The following RCBTB2 variants were observed in gnomAD, a reference collection of about 807,000 sequenced individuals.
The protein encoded by RCBTB2 is RCC1 and BTB domain containing protein 2, also known as RCC1 and BTB domain-containing protein 2.
A neutral mutation model predicts 65.4 loss-of-function variants in RCBTB2; 55 were observed. That is an observed-to-expected ratio of 0.84 (90% confidence interval 0.68 to 1.05). RCBTB2 has a LOEUF of 1.05. RCBTB2 is among the 50% of genes least tolerant of loss of function. RCBTB2 has a pLI of 0.00. For synonymous variants in RCBTB2, 220 were observed against 255.2 expected (o/e 0.86, Z 1.31); for missense variants, 599 against 680.1 (o/e 0.88, Z 1.33).
At position 48,510,784 on chromosome 13, in the gene RCBTB2, A is replaced by T. The variant is rs1566293774; in HGVS notation, c.784-13T>A. 8 of 1,610,408 alleles carry T rather than the reference A, an allele frequency of 5.0e-6. No homozygotes were observed. The highest frequency in any genetic ancestry group is 6.8e-6 in the Non-Finnish European group (8 of 1,176,794). Reference sequence around the variant, plus strand: ...AGCCACAGGCGACCTGGAAGGAAAAAAATCCACTCAGGACTGCAAATATAA... The same window carrying T: ...AGCCACAGGCGACCTGGAAGGAAAATAATCCACTCAGGACTGCAAATATAA... On this transcript the variant is annotated splice_polypyrimidine_tract_variant and intron_variant, in intron 9 of 14. Transcript: ENST00000344532.
At chr13:48,525,729 C>T (rs995012059) in intron 1 of RCBTB2, among the ~76,000 whole-genome samples, 2 of 151,886 alleles carry the variant, frequency 1.3e-5, no homozygotes, top group Non-Finnish European at 2.9e-5. Flanking sequence ...TAAACTGTGG[C>T]ATATGCATAC....
In RCBTB2 at chr13:48,515,243, C is replaced by T. The variant is rs1395806728; in HGVS notation, c.311G>A (p.Ser104Asn). 1.2e-6 allele frequency: 2 copies of T among 1,614,028 alleles called. No homozygotes were observed. Among genetic ancestry groups the T allele is most frequent in the Admixed American group, 1.7e-5 (1 of 59,994 alleles). Reference protein sequence around the residue: ...SLNGKKIACLSYGSGPHIVLA... With the variant: ...SLNGKKIACLNYGSGPHIVLA... ...GACAATATGTGGACCACTCCCATAGCTGAGGCAGGCTATTTTTTTGCCATT... is the reference window on the plus strand; with the variant it reads ...GACAATATGTGGACCACTCCCATAGTTGAGGCAGGCTATTTTTTTGCCATT... The change falls in exon 6 of 15, where the codon AGC (serine) becomes AAC (asparagine). Residue 104 changes from serine to asparagine, a missense_variant. Ser to Asn is a conservative substitution (Grantham distance 46). Coordinates refer to ENST00000344532, the MANE Select transcript of RCBTB2 (RefSeq NM_001268.4).
intron 14 of RCBTB2, among the ~76,000 whole-genome samples, chr13:48,493,692 G>A (rs1949848771): frequency 6.6e-6 from 1 of 151,908 alleles, no homozygotes. Context: ...CTGATGTCTT[G>A]CCTCCCTGAC....
At chr13:48,491,818 T>G (rs962709505) in intron 14 of RCBTB2, 13 of 152,216 alleles carry the variant, frequency 8.5e-5, no homozygotes, top group African/African-American at 3.1e-4. Flanking sequence ...GAGTGGGATC[T>G]TCCCCTAAAT....
At chr13:48,518,781 G>A (rs1951249414) in intron 4 of RCBTB2, among the ~76,000 whole-genome samples, 1 of 152,032 alleles carries the variant, frequency 6.6e-6, no homozygotes, top group Non-Finnish European at 1.5e-5. Context: ...CCACAATAGA[G>A]CTAAGGATGG....
At chr13:48,521,138 T>C (rs1290542652) in intron 4 of RCBTB2, among the ~76,000 whole-genome samples, 1 of 152,122 alleles carries the variant, frequency 6.6e-6, no homozygotes, top group Non-Finnish European at 1.5e-5. Context: ...GACTCTCGAG[T>C]TCTATACATT....
At chr13:48,495,178 G>A (rs1334036478) in intron 14 of RCBTB2, among the ~76,000 whole-genome samples, 1 of 151,902 alleles carries the variant, frequency 6.6e-6, no homozygotes, top group Non-Finnish European at 1.5e-5. Context: ...CTAAAGATTT[G>A]GTTCTAAGAT....
At chr13:48,506,233 C>G (rs1048932401) in intron 10 of RCBTB2, among the ~76,000 whole-genome samples, 2 of 152,206 alleles carry the variant, frequency 1.3e-5, no homozygotes, top group African/African-American at 4.8e-5. Context: ...GGGACGGAGG[C>G]CAACGCCGGG....
At position 48,527,371 on chromosome 13, in the gene RCBTB2, T is replaced by TATATATATATG. The variant is rs1555310729; in HGVS notation, c.-218-2625_-218-2615dup. Among the ~76,000 whole-genome samples the TATATATATATG allele has an allele frequency of 2.2e-3, 307 of 138,628 alleles. 11 individuals are homozygous for TATATATATATG. The highest frequency in any genetic ancestry group is 8.3e-3 in the African/African-American group (280 of 33,786). 90.9% of individuals were successfully genotyped at this position (138,628 alleles called of 152,430 possible). A position where few individuals can be genotyped will look rare whatever the true frequency, so the allele number is the denominator to read the frequency against. ...ATATATGATATATATTTATATATGATATATATATATGATATATATTTATAT... is the reference window on the plus strand; with the variant it reads ...ATATATGATATATATTTATATATGATATATATATATGATATATATATGATATATATTTATAT... On this transcript the variant is annotated intron_variant, in intron 1 of 14. Transcript: ENST00000344532.
chr13:48,507,390 C>T (rs1388118418), intron 10 of RCBTB2, among the ~76,000 whole-genome samples: 1 of 152,224 alleles, frequency 6.6e-6, no homozygotes, highest in African/African-American at 2.4e-5. Flanking sequence ...AGACATGCGA[C>T]AGACAATGAC....
At chr13:48,512,262 T>C in intron 7 of RCBTB2, 88 bp from the exon 8 acceptor site, 1 of 1,178,794 alleles carries the variant, frequency 8.5e-7, no homozygotes, top group South Asian at 1.4e-5. Context: ...GCACCGAGTC[T>C]TTCCTCTCAA....
At chr13:48,500,479 A>T (rs1236236097) in intron 12 of RCBTB2, among the ~76,000 whole-genome samples, 1 of 152,122 alleles carries the variant, frequency 6.6e-6, no homozygotes, top group Non-Finnish European at 1.5e-5. Context: ...AATCACTTGA[A>T]CCTGGGAGGA....
At chr13:48,518,542 A>ATTTCCT (rs1951233549) in intron 4 of RCBTB2, among the ~76,000 whole-genome samples, 1 of 149,222 alleles carries the variant, frequency 6.7e-6, no homozygotes, top group Non-Finnish European at 1.5e-5. Context: ...CCTACAGGAC[A>ATTTCCT]ACCTTAATTT....
At chr13:48,504,972 A>G (rs746024144) in intron 10 of RCBTB2, among the ~76,000 whole-genome samples, 27 of 151,980 alleles carry the variant, frequency 1.8e-4, no homozygotes, top group Non-Finnish European at 3.5e-4. Flanking sequence ...AAAATACTAG[A>G]GGAAAAAAAG....
intron 4 of RCBTB2, among the ~76,000 whole-genome samples, chr13:48,518,341 T>TG (rs928986428): frequency 6.6e-6 from 1 of 151,868 alleles, no homozygotes; most frequent in Non-Finnish European, 1.5e-5. Context: ...CATAAGACCT[T>TG]GCCCTAAAAA....
intron 13 of RCBTB2, 55 bp downstream of exon 13, chr13:48,499,566 C>T (rs1950139807): frequency 4.4e-6 from 7 of 1,582,032 alleles, no homozygotes; most frequent in Middle Eastern, 1.7e-4. Context: ...CTATAGAAAC[C>T]ACCTTGTCAG....
At chr13:48,498,677 C>T (rs2138434862) in intron 13 of RCBTB2, among the ~76,000 whole-genome samples, 1 of 151,954 alleles carries the variant, frequency 6.6e-6, no homozygotes, top group East Asian at 1.9e-4. Context: ...TTGTGGTGAG[C>T]GGAGATCGTG....
chr13:48,509,194 G>A (rs1950654529), intron 10 of RCBTB2, among the ~76,000 whole-genome samples: 1 of 152,116 alleles, frequency 6.6e-6, no homozygotes, highest in African/African-American at 2.4e-5. Flanking sequence ...AGGTATGGTG[G>A]CATGCTCCTG....
rs766518932 is a variant in RCBTB2, at chr13:48,490,193, G to A, written c.1574C>T (p.Thr525Ile). 3.7e-6 allele frequency: 6 copies of A among 1,613,574 alleles called. No homozygotes were observed. In the Admixed American group the frequency reaches 6.7e-5, roughly 18 times the overall value. Reference sequence around the variant, plus strand: ...ATGGTCCATTTCTGCAAAACCTGATGTTTGTGTTACTACAGTCAGATGGTT... The same window carrying A: ...ATGGTCCATTTCTGCAAAACCTGATATTTGTGTTACTACAGTCAGATGGTT... ...CINHLTVVTQ[T>I]SGFAEMDHDL... Residue 525 changes from threonine to isoleucine, a missense_variant, in exon 15 of 15, where the codon ACA becomes ATA. Coordinates refer to ENST00000344532, the MANE Select transcript of RCBTB2 (RefSeq NM_001268.4).
Sources: allele counts gnomAD v4.1 joint callset (sites outside exome capture counted in the v4.1 genomes callset), GRCh38; gene constraint gnomAD v4.1.1; transcripts MANE v1.5; gene names NCBI Gene and HGNC (gene_info 2026-07-23, HGNC 2026-07-21).